Variants in KITLG observed in about 807,000 individuals in gnomAD.
The protein encoded by KITLG is c-Kit ligand.
In KITLG, 13 loss-of-function variants were observed where a neutral mutation model predicts 34.1. The observed-to-expected ratio is 0.38, with a 90% CI of 0.25 to 0.61. The LOEUF (loss-of-function observed/expected upper bound fraction) is 0.61. Among genes scored for constraint, KITLG ranks in the 20% least tolerant of loss-of-function variants. KITLG has a pLI of 0.60. For synonymous variants in KITLG, 110 were observed against 104.0 expected (o/e 1.06, Z -0.35); for missense variants, 292 against 318.9 (o/e 0.92, Z 0.64).
At chr12:88,566,534 C>A (rs1871448894) in intron 1 of KITLG, among the ~76,000 whole-genome samples, 1 of 152,158 alleles carries the variant, frequency 6.6e-6, no homozygotes, top group African/African-American at 2.4e-5. Context: ...AAACAAAAGT[C>A]AGGGAGGACT....
chr12:88,572,058 A>G (rs1211122035), intron 1 of KITLG, among the ~76,000 whole-genome samples: 1 of 152,188 alleles, frequency 6.6e-6, no homozygotes, highest in Non-Finnish European at 1.5e-5. Flanking sequence ...GTTTGATTTT[A>G]TAATATAATG....
intron 1 of KITLG, among the ~76,000 whole-genome samples, chr12:88,569,754 T>A (rs1256728872): frequency 6.6e-6 from 1 of 152,180 alleles, no homozygotes; most frequent in Non-Finnish European, 1.5e-5. Context: ...TGTGTTGAGA[T>A]GATGCCAGGA....
intron 1 of KITLG, among the ~76,000 whole-genome samples, chr12:88,563,299 T>C (rs1253641414): frequency 6.6e-6 from 1 of 152,202 alleles, no homozygotes; most frequent in Non-Finnish European, 1.5e-5. Context: ...TATCTATCTG[T>C]CATCTTTTCT....
chr12:88,528,227 T>C (rs1441208041), intron 3 of KITLG, among the ~76,000 whole-genome samples: 1 of 152,204 alleles, frequency 6.6e-6, no homozygotes. Flanking sequence ...GCCAGCAGTG[T>C]AATATTTTCA....
chr12:88,541,275 T>A (rs923845538), intron 2 of KITLG, among the ~76,000 whole-genome samples: 5 of 152,170 alleles, frequency 3.3e-5, no homozygotes, highest in Non-Finnish European at 7.4e-5. Context: ...GTTCTAATGC[T>A]ATCTTACTAA....
chr12:88,526,756 C>A (rs1191438765), intron 3 of KITLG, among the ~76,000 whole-genome samples: 4 of 151,778 alleles, frequency 2.6e-5, no homozygotes, highest in Non-Finnish European at 5.9e-5. Flanking sequence ...AATCAGGATT[C>A]CAGGAATAGA....
chr12:88,565,293 T>C (rs897157065), intron 1 of KITLG, among the ~76,000 whole-genome samples: 3 of 152,174 alleles, frequency 2.0e-5, no homozygotes, highest in African/African-American at 7.2e-5. Context: ...GAAGAATCCA[T>C]TTACCATATT....
At chr12:88,547,263 G>A (rs942636757) in intron 1 of KITLG, among the ~76,000 whole-genome samples, 1 of 152,042 alleles carries the variant, frequency 6.6e-6, no homozygotes, top group African/African-American at 2.4e-5. Context: ...TATTATACTA[G>A]AACAAATAAT....
intron 3 of KITLG, among the ~76,000 whole-genome samples, chr12:88,523,427 T>C (rs569036815): frequency 6.6e-6 from 1 of 152,338 alleles, no homozygotes; most frequent in South Asian, 2.1e-4. Context: ...TGAAGTGTTT[T>C]TTTCTGCTGA....
chr12:88,555,515 C>A (rs978941809), intron 1 of KITLG, among the ~76,000 whole-genome samples: 2 of 152,164 alleles, frequency 1.3e-5, no homozygotes, highest in African/African-American at 4.8e-5. Flanking sequence ...AAACTGACTT[C>A]ATTTATATTT....
intron 1 of KITLG, among the ~76,000 whole-genome samples, chr12:88,559,127 A>G (rs1024226296): frequency 6.6e-6 from 1 of 152,210 alleles, no homozygotes; most frequent in Non-Finnish European, 1.5e-5. Flanking sequence ...AATACTGTTG[A>G]TTGTCTCTTT....
rs1868605470 is a variant in KITLG, at chr12:88,495,437, G to A, written c.*1782C>T. On this transcript the variant is annotated 3_prime_UTR_variant, in exon 10 of 10. Transcript: ENST00000644744. ...TTATTACTAATCAAGTGTACCATGT[G>A]ATATCTGAGGGCCTGAACACCTTAA... 1.3e-5 allele frequency: 2 copies of A among 152,352 alleles called. No individual in the cohort carries two copies. The highest frequency in any genetic ancestry group is 4.1e-4 in the South Asian group (2 of 4,822). 9.4% of individuals were successfully genotyped at this position (152,352 alleles called of 1,614,324 possible).
chr12:88,536,927 T>A lies in KITLG; in HGVS notation c.130-4424A>T, dbSNP rs901098039. Among the ~76,000 whole-genome samples the A allele has an allele frequency of 1.5e-4, 23 of 152,212 alleles. 1 individual carries two copies. Among genetic ancestry groups the A allele is most frequent in the Middle Eastern group, 6.8e-3 (2 of 294 alleles). On this transcript the variant is annotated intron_variant, in intron 2 of 9. Coordinates refer to ENST00000644744, the MANE Select transcript of KITLG (RefSeq NM_000899.5). ...GCAGCAAACCACCATGGCACGTGTATACCTATGTAACAAACTGCACGTTCT... is the reference window on the plus strand; with the variant it reads ...GCAGCAAACCACCATGGCACGTGTAAACCTATGTAACAAACTGCACGTTCT...
rs1413302497 is a variant in KITLG, at chr12:88,493,406, AT to A, written c.*3812del. The A allele has an allele frequency of 6.6e-6, 1 of 152,336 alleles. No individual in the cohort carries two copies. Among genetic ancestry groups the A allele is most frequent in the African/African-American group, 2.4e-5 (1 of 41,420 alleles). The allele number at this position is 152,336 out of a possible 1,614,324, so 9.4% of individuals were successfully genotyped here. On this transcript the variant is annotated 3_prime_UTR_variant, in exon 10 of 10. Transcript: ENST00000644744. ...CTTGTTATAAAATGAAAGTACCATT[AT>A]TTTATTTTTACAAACAAAGGCATTT...
In KITLG at chr12:88,516,326, T is replaced by C. The variant is rs773753674; in HGVS notation, c.520+8A>G. 20 of 1,608,352 alleles carry C rather than the reference T, an allele frequency of 1.2e-5. 1 individual carries two copies. The South Asian group carries it at 2.1e-4, about 17-fold the overall frequency. On this transcript the variant is annotated splice_region_variant and intron_variant, in intron 5 of 9. Transcript: ENST00000644744. Reference sequence around the variant, plus strand: ...TACATTTGAACTGGAAATGCTTACATGTCTTACCTTTCTCAGGACTTAATG... The same window carrying C: ...TACATTTGAACTGGAAATGCTTACACGTCTTACCTTTCTCAGGACTTAATG...
chr12:88,506,028 G>T (rs912812726), intron 8 of KITLG, among the ~76,000 whole-genome samples: 2 of 152,198 alleles, frequency 1.3e-5, no homozygotes, highest in Non-Finnish European at 2.9e-5. Flanking sequence ...CCAGGAGTCT[G>T]AGAAGATTCT....
At chr12:88,500,380 CT>C (rs1340265143) in intron 9 of KITLG, among the ~76,000 whole-genome samples, 3 of 152,302 alleles carry the variant, frequency 2.0e-5, no homozygotes, top group East Asian at 3.9e-4. Flanking sequence ...GAGGCCTGGA[CT>C]TTGATCAAAG....
chr12:88,578,020 T>G (rs1213239576), intron 1 of KITLG, among the ~76,000 whole-genome samples: 1 of 152,206 alleles, frequency 6.6e-6, no homozygotes, highest in African/African-American at 2.4e-5. Context: ...TATTCTTCCC[T>G]GGTGAGGATA....
intron 1 of KITLG, among the ~76,000 whole-genome samples, chr12:88,573,806 C>T (rs1279539561): frequency 1.3e-5 from 2 of 152,158 alleles, no homozygotes; most frequent in African/African-American, 2.4e-5. Flanking sequence ...AAGTGAGCAC[C>T]GATGAGTTTG....
Sources: allele counts gnomAD v4.1 joint callset (sites outside exome capture counted in the v4.1 genomes callset), GRCh38; gene constraint gnomAD v4.1.1; transcripts MANE v1.5; gene names NCBI Gene and HGNC (gene_info 2026-07-23, HGNC 2026-07-21).